SRFBP1: variants seen among roughly 807,000 people sequenced by gnomAD.
The protein encoded by SRFBP1 is serum response factor-binding protein 1.
SRFBP1 carries 47 observed loss-of-function variants against 45.5 expected under a neutral mutation model. The observed-to-expected ratio is 1.03, with a 90% CI of 0.82 to 1.32. SRFBP1 has a LOEUF of 1.32. Ranked by LOEUF, SRFBP1 falls within the 40% of genes most tolerant of loss-of-function variation. The pLI is 0.00. For synonymous variants in SRFBP1, 203 were observed against 166.3 expected, an observed-to-expected ratio of 1.22 and a Z score of -1.70; for missense variants, 621 against 484.6, an observed-to-expected ratio of 1.28 and a Z score of -2.64.
chr5:122,061,182 ATAT>A (rs148000658), intron 2 of SRFBP1, among the ~76,000 whole-genome samples: 2,331 of 150,836 alleles, frequency 0.015, 64 homozygotes, highest in African/African-American at 0.053. Context: ...CTAAAGACAT[ATAT>A]ATGAAGACCC....
rs1470976309 is a variant in SRFBP1, at chr5:122,052,196, G to T, written n.312-23119G>T. Among the ~76,000 whole-genome samples, 5 of 152,152 alleles carry T rather than the reference G, an allele frequency of 3.3e-5. No individual in the cohort carries two copies. The South Asian group carries it at 8.3e-4, about 25-fold the overall frequency. The stretch of plus-strand genomic sequence containing the variant: ...GCTTTAACATTTTTTCTTTCATTTG[G>T]ACCTTGTAGAATCTGATTATAATGG... On this transcript the variant is annotated intron_variant and non_coding_transcript_variant, in intron 2 of 2. Transcript: ENST00000504881.
intron 4 of SRFBP1, among the ~76,000 whole-genome samples, chr5:122,007,893 A>T (rs553192417): frequency 1.3e-4 from 20 of 152,254 alleles, no homozygotes; most frequent in East Asian, 9.7e-4. Context: ...AGTGCTGCAT[A>T]GGCCTGTATC....
At chr5:122,043,008 G>T (rs917122928) in intron 2 of SRFBP1, among the ~76,000 whole-genome samples, 3 of 151,928 alleles carry the variant, frequency 2.0e-5, no homozygotes, top group Non-Finnish European at 2.9e-5. Flanking sequence ...TATTCATGTA[G>T]ATTTACCCAC....
intron 2 of SRFBP1, among the ~76,000 whole-genome samples, chr5:122,058,830 C>T (rs17352083): frequency 0.12 from 17,781 of 152,100 alleles, 1,134 homozygotes; most frequent in South Asian, 0.14. Flanking sequence ...GTTTGTGAAG[C>T]ACTGGTAGCA....
At chr5:122,077,540 C>T (rs1211587869), downstream of SRFBP1, 11 of 1,613,620 alleles carry the variant, frequency 6.8e-6, no homozygotes, top group Non-Finnish European at 8.5e-6. This position sits in a 1 kb window ranked among gnomAD's most constrained non-coding sequence, Gnocchi z 4.9. Flanking sequence ...AGGAACTTCT[C>T]CCGGCGCTGT....
At chr5:121,973,372 TGAA>T (rs1459185710) in intron 1 of SRFBP1, among the ~76,000 whole-genome samples, 1 of 151,776 alleles carries the variant, frequency 6.6e-6, no homozygotes, top group Non-Finnish European at 1.5e-5. Context: ...GTTCCTAAAG[TGAA>T]GAAGGGGAAG....
chr5:121,979,920 A>G (rs1029381365), intron 3 of SRFBP1, among the ~76,000 whole-genome samples: 3 of 152,176 alleles, frequency 2.0e-5, no homozygotes, highest in Non-Finnish European at 4.4e-5. Flanking sequence ...GGGTTTGTTT[A>G]TTGTAAGCAT....
intron 3 of SRFBP1, among the ~76,000 whole-genome samples, 162 bp from the exon 4 acceptor site, chr5:121,994,437 C>A (rs1041155620): frequency 2.7e-4 from 41 of 151,908 alleles, no homozygotes; most frequent in African/African-American, 9.7e-4. Context: ...CGTTATATTC[C>A]TGATGTTTCC....
intron 2 of SRFBP1, among the ~76,000 whole-genome samples, chr5:122,049,200 G>C (rs1454319844): frequency 6.6e-6 from 1 of 151,872 alleles, no homozygotes; most frequent in Non-Finnish European, 1.5e-5. Flanking sequence ...GCAAATGGAA[G>C]ACAAAAAAAT....
intron 4 of SRFBP1, among the ~76,000 whole-genome samples, chr5:121,994,960 A>G (rs182087064): frequency 2.0e-5 from 3 of 152,104 alleles, no homozygotes; most frequent in Non-Finnish European, 2.9e-5. Flanking sequence ...ACTAAGATGC[A>G]TTCAACAAGA....
chr5:121,999,642 T>C (rs1168538956), intron 4 of SRFBP1, among the ~76,000 whole-genome samples: 1 of 152,130 alleles, frequency 6.6e-6, no homozygotes, highest in Non-Finnish European at 1.5e-5. Context: ...TGTAAACTTT[T>C]AGGATTTATG....
In SRFBP1 at chr5:121,994,637, T is replaced by C. The variant is rs868693514; in HGVS notation, c.237T>C (p.Gly79=). The change falls in exon 4 of 8, where the codon GGT becomes GGC. Residue 79 remains glycine, a synonymous_variant. Transcript: ENST00000339397. ...ACATAGTAACTAAATCTGCTCTTGG[T>C]GATGATATCAACTTTGAAAAAATCT... The part of the protein sequence containing the change: ...KPDIVTKSAL[G]DDINFEKIFK... The C allele has an allele frequency of 1.0e-5, 16 of 1,597,476 alleles. No individual in the cohort carries two copies. The highest frequency in any genetic ancestry group is 9.5e-5 in the African/African-American group (7 of 73,960).
At chr5:121,998,010 G>A (rs906352275) in intron 4 of SRFBP1, among the ~76,000 whole-genome samples, 2 of 151,818 alleles carry the variant, frequency 1.3e-5, no homozygotes, top group African/African-American at 4.8e-5. Flanking sequence ...AAAAAGTCAG[G>A]AAACAACAGG....
At chr5:121,986,510 G>A (rs141116237) in intron 3 of SRFBP1, among the ~76,000 whole-genome samples, 106 of 152,138 alleles carry the variant, frequency 7.0e-4, no homozygotes, top group African/African-American at 2.3e-3. Flanking sequence ...TTTATTAATA[G>A]GGCCTTATTT....
chr5:122,060,087 A>G (rs557099693), intron 2 of SRFBP1, among the ~76,000 whole-genome samples: 1 of 152,216 alleles, frequency 6.6e-6, no homozygotes, highest in South Asian at 2.1e-4. Flanking sequence ...CATGAAACAC[A>G]GAAGACGAGG....
intron 1 of SRFBP1, among the ~76,000 whole-genome samples, chr5:121,963,276 C>T (rs1253707704): frequency 1.3e-5 from 2 of 152,148 alleles, no homozygotes; most frequent in African/African-American, 2.4e-5. Context: ...GTCAGGATTT[C>T]AGTTGACAGT....
chr5:122,000,117 C>T (rs978796721), intron 4 of SRFBP1, among the ~76,000 whole-genome samples: 3 of 151,942 alleles, frequency 2.0e-5, no homozygotes, highest in African/African-American at 7.2e-5. Flanking sequence ...AGTGTTCACT[C>T]TACAGTTCAT....
intron 7 of SRFBP1, among the ~76,000 whole-genome samples, chr5:122,022,771 G>T (rs566235981): frequency 1.3e-5 from 2 of 152,248 alleles, no homozygotes; most frequent in African/African-American, 4.8e-5. Flanking sequence ...ACTTTCTTGG[G>T]CAAGAGTATA....
chr5:122,036,495 G>A (rs898137905), intron 2 of SRFBP1, among the ~76,000 whole-genome samples: 1 of 152,176 alleles, frequency 6.6e-6, no homozygotes, highest in Non-Finnish European at 1.5e-5. Flanking sequence ...TGACCTCTGA[G>A]CCTTTTGCGA....
Sources: allele counts gnomAD v4.1 joint callset (sites outside exome capture counted in the v4.1 genomes callset), GRCh38; gene constraint gnomAD v4.1.1; non-coding constraint Gnocchi (gnomAD v3.1); transcripts MANE v1.5; gene names NCBI Gene and HGNC (gene_info 2026-07-23, HGNC 2026-07-21).